The following EXOC2 variants were observed in gnomAD, a reference collection of about 807,000 sequenced individuals.
The protein encoded by EXOC2 is exocyst complex component 2.
A neutral mutation model predicts 131.8 loss-of-function variants in EXOC2; 70 were observed. The observed-to-expected ratio is 0.53, with a 90% CI of 0.44 to 0.65. The LOEUF (loss-of-function observed/expected upper bound fraction) is 0.65. EXOC2 is among the 30% of genes least tolerant of loss of function. The pLI, the probability that EXOC2 is intolerant of heterozygous loss-of-function variation, is 0.00. For missense variants in EXOC2, 923 were observed against 1,108.6 expected (o/e 0.83, Z 2.38); for synonymous variants, 411 against 398.4 (o/e 1.03, Z -0.38).
intron 23 of EXOC2, among the ~76,000 whole-genome samples, chr6:505,139 G>GA (rs35823355): frequency 0.062 from 9,199 of 147,388 alleles, 317 homozygotes; most frequent in Non-Finnish European, 0.073. Context: ...AACAACGGCA[G>GA]AAAAAAAAAA....
intron 25 of EXOC2, among the ~76,000 whole-genome samples, chr6:496,568 C>T (rs377447207): frequency 3.9e-5 from 6 of 152,188 alleles, no homozygotes; most frequent in East Asian, 1.9e-4. Context: ...CCAGAAAGCA[C>T]GTTTTGTCTT....
chr6:568,435 G>C (rs1014647304), intron 13 of EXOC2, among the ~76,000 whole-genome samples: 2 of 152,234 alleles, frequency 1.3e-5, no homozygotes, highest in Non-Finnish European at 2.9e-5. Context: ...GGAGCTTACA[G>C]CATCGGCCAT....
At chr6:677,832 G>C (rs1337332585) in intron 1 of EXOC2, among the ~76,000 whole-genome samples, 3 of 152,016 alleles carry the variant, frequency 2.0e-5, no homozygotes, top group African/African-American at 7.3e-5. Context: ...TCTCCTATGA[G>C]GATGGCTCAT....
At chr6:602,608 T>A (rs56245033) in intron 7 of EXOC2, among the ~76,000 whole-genome samples, 1 of 152,234 alleles carries the variant, frequency 6.6e-6, no homozygotes, top group African/African-American at 2.4e-5. Context: ...TTTGGCCTCA[T>A]AGGCTGTAGG....
At chr6:564,515 G>T (rs2277096) in intron 15 of EXOC2, 30 bp downstream of exon 15, 746,791 of 1,610,574 alleles carry the variant, frequency 0.46, 179,983 homozygotes, top group South Asian at 0.62. Flanking sequence ...ACAGAAGTAC[G>T]CCTTTCTCTG....
At chr6:593,313 G>T (rs1759645144) in intron 10 of EXOC2, among the ~76,000 whole-genome samples, 1 of 152,094 alleles carries the variant, frequency 6.6e-6, no homozygotes. Flanking sequence ...TTTCTGATAT[G>T]AAATATGGCC....
chr6:648,707 T>C (rs1202768690), intron 1 of EXOC2, among the ~76,000 whole-genome samples: 1 of 143,606 alleles, frequency 7.0e-6, no homozygotes, highest in South Asian at 2.2e-4. Context: ...CCACAAACTT[T>C]TAAAAACTCT....
intron 21 of EXOC2, among the ~76,000 whole-genome samples, chr6:551,660 G>GGA (rs971190122): frequency 6.6e-6 from 1 of 152,164 alleles, no homozygotes; most frequent in Admixed American, 6.5e-5. Flanking sequence ...GCCAGCAAGG[G>GGA]GAAGACTCCA....
At chr6:617,519 T>A (rs2294666) in intron 6 of EXOC2, among the ~76,000 whole-genome samples, 192 bp downstream of exon 6, 1 of 152,248 alleles carries the variant, frequency 6.6e-6, no homozygotes, top group African/African-American at 2.4e-5. Flanking sequence ...AACAAAAGCC[T>A]CAGAGATAAA....
At chr6:570,365 C>A (rs2127593070) in intron 13 of EXOC2, among the ~76,000 whole-genome samples, 2 of 152,318 alleles carry the variant, frequency 1.3e-5, no homozygotes, top group Middle Eastern at 6.8e-3. Flanking sequence ...AATCTCCTGA[C>A]CTCGTGATCC....
At chr6:492,982 CATA>C (rs1335138248) in intron 25 of EXOC2, among the ~76,000 whole-genome samples, 1 of 152,172 alleles carries the variant, frequency 6.6e-6, no homozygotes, top group Non-Finnish European at 1.5e-5. Context: ...TGTGATCTGA[CATA>C]CAAGTCAGTT....
chr6:656,729 C>T (rs763833864), intron 1 of EXOC2: 10 of 1,593,782 alleles, frequency 6.3e-6, no homozygotes, highest in Non-Finnish European at 8.6e-6. Context: ...CGAGATCTTC[C>T]GAGACACCTT....
At position 617,120 on chromosome 6, in the gene EXOC2, T is replaced by G. The variant is rs554201279; in HGVS notation, c.661+591A>C. On this transcript the variant is annotated intron_variant, in intron 6 of 27. Coordinates refer to ENST00000230449, the MANE Select transcript of EXOC2 (RefSeq NM_018303.6). ...TAAAAAGAATTGAGTTAACTTTTATTGATATAGATTACTTTTTACTAAATA... is the reference window on the plus strand; with the variant it reads ...TAAAAAGAATTGAGTTAACTTTTATGGATATAGATTACTTTTTACTAAATA... Among the ~76,000 whole-genome samples, 119 of 152,312 alleles carry G rather than the reference T, an allele frequency of 7.8e-4. 1 individual carries two copies. The highest frequency in any genetic ancestry group is 2.8e-3 in the African/African-American group (116 of 41,574).
At chr6:655,688 T>C (rs558281303) in intron 1 of EXOC2, among the ~76,000 whole-genome samples, 9 of 152,246 alleles carry the variant, frequency 5.9e-5, no homozygotes, top group Non-Finnish European at 1.0e-4. Context: ...CTTGCAGATA[T>C]ATTTAGCTCT....
intron 23 of EXOC2, among the ~76,000 whole-genome samples, chr6:528,161 C>T (rs971239402): frequency 7.9e-5 from 12 of 151,940 alleles, no homozygotes; most frequent in African/African-American, 2.9e-4. Context: ...AAAAAAACAT[C>T]GCTACGGCTT....
intron 1 of EXOC2, among the ~76,000 whole-genome samples, chr6:671,686 G>A (rs941825474): frequency 2.0e-5 from 3 of 152,000 alleles, no homozygotes; most frequent in Non-Finnish European, 4.4e-5. Context: ...TCTCCTTCAC[G>A]TTTGAAGGAT....
intron 13 of EXOC2, among the ~76,000 whole-genome samples, chr6:567,696 A>G (rs1041846864): frequency 2.0e-5 from 3 of 152,114 alleles, no homozygotes; most frequent in African/African-American, 7.2e-5. Context: ...GTGTGCATGC[A>G]TACATGTGCA....
At chr6:663,168 C>T (rs1763495155) in intron 1 of EXOC2, among the ~76,000 whole-genome samples, 2 of 152,136 alleles carry the variant, frequency 1.3e-5, no homozygotes, top group South Asian at 2.1e-4. Flanking sequence ...ATATGAACAC[C>T]TTTACACACA....
intron 1 of EXOC2, among the ~76,000 whole-genome samples, chr6:658,666 T>TATATATATATATA (rs1554146211): frequency 2.1e-4 from 14 of 65,926 alleles, no homozygotes; most frequent in Admixed American, 4.6e-4. Flanking sequence ...TATATATATA[T>TATATATATATATA]TTTTTTTTTT....
Sources: allele counts gnomAD v4.1 joint callset (sites outside exome capture counted in the v4.1 genomes callset), GRCh38; gene constraint gnomAD v4.1.1; transcripts MANE v1.5; gene names NCBI Gene and HGNC (gene_info 2026-07-23, HGNC 2026-07-21).